Variants in PLCB1 observed in about 807,000 individuals in gnomAD.
The protein encoded by PLCB1 is 1-phosphatidylinositol 4,5-bisphosphate phosphodiesterase beta-1.
A neutral mutation model predicts 161.8 loss-of-function variants in PLCB1; 46 were observed. The ratio of observed to expected loss-of-function variants is 0.28; its 90% confidence interval spans 0.22 to 0.36. The LOEUF (loss-of-function observed/expected upper bound fraction) is 0.36. PLCB1 is among the 10% of genes least tolerant of loss of function. The pLI is 1.00. For missense variants in PLCB1, 1,016 were observed against 1,472.5 expected (o/e 0.69, Z 5.07); for synonymous variants, 517 against 503.7 (o/e 1.03, Z -0.35).
At chr20:8,538,337 A>G (rs1210839290) in intron 3 of PLCB1, among the ~76,000 whole-genome samples, 1 of 152,162 alleles carries the variant, frequency 6.6e-6, no homozygotes, top group Non-Finnish European at 1.5e-5. Flanking sequence ...TTTGTAGCAC[A>G]TTCCCCTTAT....
intron 12 of PLCB1, among the ~76,000 whole-genome samples, chr20:8,711,067 T>C (rs1424595707): frequency 6.6e-6 from 1 of 152,210 alleles, no homozygotes; most frequent in Non-Finnish European, 1.5e-5. Flanking sequence ...GTAAATATTA[T>C]GATTATCGCC....
chr20:8,179,846 C>CTTTTTTTT lies in PLCB1; in HGVS notation c.177+29498_177+29505dup, dbSNP rs35174594. On this transcript the variant is annotated intron_variant, in intron 2 of 31. Transcript: ENST00000338037. ...CCTTCAATGCCTAGTTTGTTGAGGG[C>CTTTTTTTT]TTTTTTTTTTTTTTTTTTTTTTTTT... is the stretch of plus-strand genomic sequence containing the variant. Among the ~76,000 whole-genome samples the CTTTTTTTT allele has an allele frequency of 2.0e-4, 14 of 71,416 alleles. 2 individuals are homozygous for CTTTTTTTT. Among genetic ancestry groups the CTTTTTTTT allele is most frequent in the African/African-American group, 5.4e-4 (10 of 18,414 alleles). The allele number at this position is 71,416 out of a possible 152,430, so 46.9% of individuals were successfully genotyped here. A position where few individuals can be genotyped will look rare whatever the true frequency, so the allele number is the denominator to read the frequency against.
intron 31 of PLCB1, among the ~76,000 whole-genome samples, chr20:8,796,082 C>T (rs1015119963): frequency 6.6e-6 from 1 of 152,092 alleles, no homozygotes; most frequent in Non-Finnish European, 1.5e-5. Flanking sequence ...TTCTCTGATG[C>T]TTAATTTGTC....
intron 2 of PLCB1, among the ~76,000 whole-genome samples, chr20:8,234,152 T>C (rs1980208067): frequency 1.3e-5 from 2 of 152,104 alleles, no homozygotes; most frequent in African/African-American, 2.4e-5. Context: ...AAGAGACGTA[T>C]GCAATCAGCT....
chr20:8,244,539 G>A, intron 2 of PLCB1, among the ~76,000 whole-genome samples: 1 of 151,864 alleles, frequency 6.6e-6, no homozygotes, highest in East Asian at 1.9e-4. Flanking sequence ...ACTAATTGAA[G>A]CTGGTAGACA....
chr20:8,602,328 A>G (rs1987614141), intron 3 of PLCB1, among the ~76,000 whole-genome samples: 1 of 152,212 alleles, frequency 6.6e-6, no homozygotes, highest in South Asian at 2.1e-4. Context: ...ACAAAATGGT[A>G]TTTAAAGAGG....
At chr20:8,259,597 C>G (rs1981595966) in intron 2 of PLCB1, among the ~76,000 whole-genome samples, 1 of 152,026 alleles carries the variant, frequency 6.6e-6, no homozygotes, top group African/African-American at 2.4e-5. Flanking sequence ...GTCTGGGTAA[C>G]AGGATGAGAC....
rs559897219 is a variant in PLCB1 at position 8,753,637 on chromosome 20, A to G, written c.2524-3409A>G. On this transcript the variant is annotated intron_variant, in intron 23 of 31. Coordinates refer to ENST00000338037, the MANE Select transcript of PLCB1 (RefSeq NM_015192.4). ...GCATAGCTCACTCTTGCACCATCTC[A>G]GAATTCCAGGCAAACTCTGCTCCTC... Among the ~76,000 whole-genome samples, 3 of 152,248 alleles carry G rather than the reference A, an allele frequency of 2.0e-5. No individual in the cohort carries two copies. The South Asian group carries it at 6.2e-4, about 32-fold the overall frequency.
chr20:8,592,003 C>T (rs909669300), intron 3 of PLCB1, among the ~76,000 whole-genome samples: 11 of 152,070 alleles, frequency 7.2e-5, no homozygotes, highest in East Asian at 1.9e-4. Context: ...CAAGCCCAAA[C>T]AAGAAATTCA....
intron 31 of PLCB1, among the ~76,000 whole-genome samples, chr20:8,793,766 A>G (rs1983884748): frequency 6.6e-6 from 1 of 152,188 alleles, no homozygotes; most frequent in African/African-American, 2.4e-5. Flanking sequence ...ATAACATCTT[A>G]TCAGTAGACA....
chr20:8,798,788 T>C (rs1469933318), intron 31 of PLCB1, among the ~76,000 whole-genome samples: 2 of 152,164 alleles, frequency 1.3e-5, no homozygotes, highest in Admixed American at 6.5e-5. Context: ...GAACCCACAA[T>C]AGCTGGAAAC....
At chr20:8,799,363 G>A (rs532347366) in intron 31 of PLCB1, among the ~76,000 whole-genome samples, 3 of 152,174 alleles carry the variant, frequency 2.0e-5, no homozygotes, top group East Asian at 1.9e-4. Flanking sequence ...GCTTTCATCT[G>A]CCCACCTGCC....
chr20:8,508,439 A>T (rs1363332019), intron 3 of PLCB1, among the ~76,000 whole-genome samples: 1 of 152,202 alleles, frequency 6.6e-6, no homozygotes, highest in South Asian at 2.1e-4. Context: ...AGGACCCTGG[A>T]TTACAGAATG....
rs187085645 is a variant in PLCB1 at position 8,523,564 on chromosome 20, G to A, written c.247-104730G>A. On this transcript the variant is annotated intron_variant, in intron 3 of 31. Coordinates refer to ENST00000338037, the MANE Select transcript of PLCB1 (RefSeq NM_015192.4). ...CCAAAGAAAAGAGAAAAAAAGGAAA[G>A]CACATGACCGTGAACGAATCTAGCA... 1.4e-4 allele frequency among the ~76,000 whole-genome samples: 19 copies of A among 135,782 alleles called. No homozygotes were observed. The East Asian group carries it at 3.8e-3, about 27-fold the overall frequency. The allele number at this position is 135,782 out of a possible 152,430, so 89.1% of individuals were successfully genotyped here.
chr20:8,635,628 C>T (rs1222482378), intron 4 of PLCB1, among the ~76,000 whole-genome samples: 1 of 152,194 alleles, frequency 6.6e-6, no homozygotes, highest in Non-Finnish European at 1.5e-5. Context: ...GCAGTTACTC[C>T]ACGCTTTCTT....
At chr20:8,184,492 C>T (rs1192191651) in intron 2 of PLCB1, among the ~76,000 whole-genome samples, 1 of 151,936 alleles carries the variant, frequency 6.6e-6, no homozygotes, top group Admixed American at 6.6e-5. Context: ...TTTTACTTTA[C>T]CATCTCAGCC....
chr20:8,424,444 G>T (rs1337465620), intron 3 of PLCB1, among the ~76,000 whole-genome samples: 1 of 152,092 alleles, frequency 6.6e-6, no homozygotes, highest in Non-Finnish European at 1.5e-5. Flanking sequence ...CACTCTTTTA[G>T]TATGGAGAGG....
chr20:8,366,240 C>T (rs547168262), intron 2 of PLCB1, among the ~76,000 whole-genome samples: 4 of 151,986 alleles, frequency 2.6e-5, no homozygotes, highest in Admixed American at 6.6e-5. Flanking sequence ...TATTTCTTTA[C>T]GACTTTCTTT....
intron 2 of PLCB1, among the ~76,000 whole-genome samples, chr20:8,218,088 C>T (rs1327537890): frequency 1.3e-5 from 2 of 152,140 alleles, no homozygotes; most frequent in Non-Finnish European, 2.9e-5. Flanking sequence ...ATTTTTGGTT[C>T]ACATTTATTC....
Sources: allele counts gnomAD v4.1 joint callset (sites outside exome capture counted in the v4.1 genomes callset), GRCh38; gene constraint gnomAD v4.1.1; transcripts MANE v1.5; gene names NCBI Gene and HGNC (gene_info 2026-07-23, HGNC 2026-07-21).